Variants in SV2C observed in about 807,000 individuals in gnomAD.
SV2C encodes the protein solute carrier family 22 member B3.
A neutral mutation model predicts 79.7 loss-of-function variants in SV2C; 49 were observed. The ratio of observed to expected loss-of-function variants is 0.61; its 90% confidence interval spans 0.49 to 0.78. The LOEUF (loss-of-function observed/expected upper bound fraction) is 0.78. Among genes scored for constraint, SV2C ranks in the 30% least tolerant of loss-of-function variants. The pLI, the probability that SV2C is intolerant of heterozygous loss-of-function variation, is 0.00. For missense variants in SV2C, 833 were observed against 912.9 expected, an observed-to-expected ratio of 0.91 and a Z score of 1.13; for synonymous variants, 334 against 333.2, an observed-to-expected ratio of 1.00 and a Z score of -0.03.
intron 4 of SV2C, among the ~76,000 whole-genome samples, chr5:76,231,406 G>A (rs935832120): frequency 5.3e-5 from 8 of 151,798 alleles, no homozygotes; most frequent in African/African-American, 1.9e-4. Context: ...ATGTACTGAG[G>A]CTTGCTGCAG....
At chr5:76,238,925 C>A (rs987281648) in intron 4 of SV2C, among the ~76,000 whole-genome samples, 2 of 152,154 alleles carry the variant, frequency 1.3e-5, no homozygotes, top group South Asian at 2.1e-4. Context: ...AAGGGTAGTC[C>A]TCTGATTGCT....
the SV2C span, among the ~76,000 whole-genome samples, chr5:75,999,701 A>T: frequency 1.7e-4 from 25 of 151,172 alleles, no homozygotes; most frequent in African/African-American, 5.6e-4. Flanking sequence ...GGGCTGCTAT[A>T]AAAAAAATAC....
At chr5:76,058,461 A>G in the SV2C span, among the ~76,000 whole-genome samples, 5 of 152,112 alleles carry the variant, frequency 3.3e-5, no homozygotes, top group African/African-American at 1.2e-4. Context: ...GCCCAGAACA[A>G]AGTCAGGTTT....
At chr5:76,267,436 C>T (rs192612633) in intron 4 of SV2C, among the ~76,000 whole-genome samples, 66 of 152,190 alleles carry the variant, frequency 4.3e-4, no homozygotes, top group Admixed American at 2.7e-3. Context: ...TGATTTTTTT[C>T]ATTACTTGAT....
intron 2 of SV2C, among the ~76,000 whole-genome samples, chr5:76,157,754 G>T (rs1742776611): frequency 6.6e-6 from 1 of 151,560 alleles, no homozygotes; most frequent in Admixed American, 6.6e-5. Flanking sequence ...CATAACAAAA[G>T]ATATAAATAT....
intron 4 of SV2C, among the ~76,000 whole-genome samples, chr5:76,217,072 C>T (rs1744924961): frequency 1.3e-5 from 2 of 152,196 alleles, no homozygotes; most frequent in African/African-American, 4.8e-5. Context: ...AAGGCCACAG[C>T]TCTGAAAGCC....
chr5:76,146,338 G>A (rs1749421432), intron 2 of SV2C, among the ~76,000 whole-genome samples: 1 of 152,198 alleles, frequency 6.6e-6, no homozygotes, highest in Non-Finnish European at 1.5e-5. Context: ...CCATGGACCA[G>A]CCCCGAGGGC....
the SV2C span, among the ~76,000 whole-genome samples, chr5:75,963,910 G>A: frequency 0.011 from 1,606 of 151,632 alleles, 27 homozygotes; most frequent in African/African-American, 0.031. Flanking sequence ...TTCATGTTCC[G>A]GTTCTTCTAT....
At chr5:75,947,903 A>T in the SV2C span, among the ~76,000 whole-genome samples, 1 of 151,732 alleles carries the variant, frequency 6.6e-6, no homozygotes, top group East Asian at 1.9e-4. Flanking sequence ...TTTTTTTTTA[A>T]AATCAAGAGT....
intron 1 of SV2C, among the ~76,000 whole-genome samples, chr5:76,116,466 C>G (rs115606973): frequency 0.017 from 2,598 of 152,260 alleles, 77 homozygotes; most frequent in African/African-American, 0.053. Context: ...GGAAGTCCCC[C>G]CTCTGCCTTC....
At chr5:75,933,428 C>T in the SV2C span, among the ~76,000 whole-genome samples, 2 of 152,176 alleles carry the variant, frequency 1.3e-5, no homozygotes, top group South Asian at 2.1e-4. Flanking sequence ...TTCTTGTCCC[C>T]TAGTTGATAT....
At chr5:76,175,858 G>A (rs1333612359) in intron 2 of SV2C, among the ~76,000 whole-genome samples, 3 of 152,146 alleles carry the variant, frequency 2.0e-5, no homozygotes, top group Non-Finnish European at 4.4e-5. Context: ...ATAAAGGCAT[G>A]AGTCCAGCCC....
At chr5:75,871,808 AATATATAAAT>A in the SV2C span, among the ~76,000 whole-genome samples, 5 of 138,000 alleles carry the variant, frequency 3.6e-5, no homozygotes, top group African/African-American at 5.9e-5. Context: ...CTCTGTCTCA[AATATATAAAT>A]ATATATATAT....
chr5:76,159,234 C>T (rs892634804), intron 2 of SV2C, among the ~76,000 whole-genome samples: 2 of 152,030 alleles, frequency 1.3e-5, no homozygotes, highest in African/African-American at 4.8e-5. Context: ...CAAAGATGCC[C>T]ACTCTTGCTA....
intron 12 of SV2C, among the ~76,000 whole-genome samples, chr5:76,316,092 ACAT>A (rs1748607313): frequency 6.6e-6 from 1 of 152,218 alleles, no homozygotes; most frequent in Non-Finnish European, 1.5e-5. Flanking sequence ...TTTAAACAAA[ACAT>A]CAACATGAGA....
Position 76,295,785 on chromosome 5 carries a change from G to T in SV2C, c.1345G>T (p.Gly449Ter). Residue 449 changes from glycine to a stop codon, truncating the protein, a stop_gained, in exon 9 of 13, where the codon GGA (glycine) becomes TGA (stop). Coordinates refer to ENST00000502798, the MANE Select transcript of SV2C (RefSeq NM_014979.4). LOFTEE classifies it high-confidence loss of function. ...VWFTLSFGYY[G>*]LSVWFPDVIK... ...ATTTCTTTGTCTTTGCAGGTACTAT[G>T]GATTATCCGTTTGGTTCCCTGATGT... 1 of 1,609,476 alleles carries T rather than the reference G, an allele frequency of 6.2e-7. No homozygotes were observed. Among genetic ancestry groups the T allele is most frequent in the South Asian group, 1.1e-5 (1 of 90,314 alleles).
At chr5:76,088,308 A>G (rs1430598766) in intron 1 of SV2C, among the ~76,000 whole-genome samples, 1 of 152,230 alleles carries the variant, frequency 6.6e-6, no homozygotes, top group Non-Finnish European at 1.5e-5. Flanking sequence ...AAGTATAAAT[A>G]TGTCTCAAAT....
At chr5:76,038,738 T>A in the SV2C span, among the ~76,000 whole-genome samples, 2 of 152,252 alleles carry the variant, frequency 1.3e-5, no homozygotes, top group East Asian at 3.8e-4. Context: ...ATATTTTGCA[T>A]AATTATTGAA....
At chr5:76,301,009 A>G (rs1173669858) in intron 11 of SV2C, 77 bp downstream of exon 11, 7 of 1,483,786 alleles carry the variant, frequency 4.7e-6, no homozygotes, top group Non-Finnish European at 5.6e-6. Context: ...CTGTACTCCC[A>G]TCTATTAGGG....
Sources: gnomAD v4.1 joint callset for allele counts (sites outside exome capture counted in the v4.1 genomes callset) on GRCh38, gnomAD v4.1.1 for gene constraint, MANE v1.5 for transcripts, NCBI Gene and HGNC (gene_info 2026-07-23, HGNC 2026-07-21) for gene names.